The following ZNF804A variants were observed in gnomAD, a reference collection of about 807,000 sequenced individuals.
ZNF804A encodes the protein zinc finger protein 804A.
A neutral mutation model predicts 16.5 loss-of-function variants in ZNF804A; 2 were observed. That is an observed-to-expected ratio of 0.12 (90% CI 0.05 to 0.38). The LOEUF is 0.38. ZNF804A is among the 10% of genes least tolerant of loss of function. ZNF804A has a pLI of 0.99. For synonymous variants in ZNF804A, 534 were observed against 489.6 expected, an observed-to-expected ratio of 1.09 and a Z score of -1.20; for missense variants, 1,473 against 1,390.7, an observed-to-expected ratio of 1.06 and a Z score of -0.94.
At chr2:184,723,206 T>G (rs1314384277) in intron 1 of ZNF804A, among the ~76,000 whole-genome samples, 4 of 151,828 alleles carry the variant, frequency 2.6e-5, no homozygotes, top group Non-Finnish European at 5.9e-5. Context: ...AAATATATGC[T>G]TAAAGCAATG....
chr2:184,844,362 C>G (rs538990262), intron 1 of ZNF804A, among the ~76,000 whole-genome samples: 1 of 152,196 alleles, frequency 6.6e-6, no homozygotes, highest in Non-Finnish European at 1.5e-5. Flanking sequence ...ACATCATTTT[C>G]TTCCTGAAAA....
intron 1 of ZNF804A, among the ~76,000 whole-genome samples, chr2:184,788,161 T>A (rs1255399072): frequency 6.6e-6 from 1 of 152,074 alleles, no homozygotes; most frequent in Non-Finnish European, 1.5e-5. Context: ...GTATGTGGTT[T>A]TATTTCTGGG....
intron 2 of ZNF804A, among the ~76,000 whole-genome samples, chr2:184,885,586 T>A (rs1684875981): frequency 6.6e-6 from 1 of 152,176 alleles, no homozygotes; most frequent in Admixed American, 6.5e-5. Flanking sequence ...TTCGTGCTGC[T>A]GATAAAGACG....
chr2:184,832,598 A>T (rs1460208473), intron 1 of ZNF804A, among the ~76,000 whole-genome samples: 1 of 151,876 alleles, frequency 6.6e-6, no homozygotes, highest in Admixed American at 6.6e-5. Context: ...AGTTTATAGC[A>T]TGTTTTTATC....
chr2:184,928,254 C>G (rs1004464682), intron 2 of ZNF804A, among the ~76,000 whole-genome samples: 1 of 152,102 alleles, frequency 6.6e-6, no homozygotes, highest in Non-Finnish European at 1.5e-5. Flanking sequence ...TCTAGCCCAG[C>G]GTGTGTTTAG....
intron 1 of ZNF804A, among the ~76,000 whole-genome samples, chr2:184,648,308 C>G (rs1474442286): frequency 6.6e-6 from 1 of 152,164 alleles, no homozygotes; most frequent in East Asian, 1.9e-4. Context: ...TACAAGAACA[C>G]AATTAAATAC....
chr2:184,653,653 A>G (rs911911312), intron 1 of ZNF804A, among the ~76,000 whole-genome samples: 5 of 152,114 alleles, frequency 3.3e-5, no homozygotes, highest in African/African-American at 9.7e-5. Context: ...GGTTCTTCCA[A>G]TGGGGTGGGC....
intron 1 of ZNF804A, among the ~76,000 whole-genome samples, chr2:184,769,519 A>G (rs1381782021): frequency 1.3e-5 from 2 of 152,114 alleles, no homozygotes; most frequent in Non-Finnish European, 2.9e-5. Flanking sequence ...TAATAGAACC[A>G]TAGAAATCCT....
chr2:184,874,643 T>C (rs1696024954), intron 2 of ZNF804A, among the ~76,000 whole-genome samples: 1 of 152,194 alleles, frequency 6.6e-6, no homozygotes, highest in Non-Finnish European at 1.5e-5. Flanking sequence ...AAATTTCATT[T>C]TGTTAAACTT....
intron 1 of ZNF804A, among the ~76,000 whole-genome samples, chr2:184,839,143 T>C (rs1695397633): frequency 6.6e-6 from 1 of 152,074 alleles, no homozygotes; most frequent in African/African-American, 2.4e-5. Context: ...AATGTAAACC[T>C]AACCTAAACT....
chr2:184,679,740 TGAGCATG>T (rs1467633141), intron 1 of ZNF804A, among the ~76,000 whole-genome samples: 15 of 152,152 alleles, frequency 9.9e-5, no homozygotes, highest in Non-Finnish European at 2.2e-4. Context: ...TGGGCCCCGA[TGAGCATG>T]GGAAGAAGGT....
At chr2:184,928,412 C>G (rs1574274649) in intron 2 of ZNF804A, among the ~76,000 whole-genome samples, 1 of 152,082 alleles carries the variant, frequency 6.6e-6, no homozygotes, top group African/African-American at 2.4e-5. Flanking sequence ...CCTCCCCTAT[C>G]TCTCTTCAAG....
chr2:184,598,819 G>T lies in ZNF804A; in HGVS notation c.-141G>T, dbSNP rs1183005850. 1 of 466,670 alleles carries T rather than the reference G, an allele frequency of 2.1e-6. No homozygotes were observed. The highest frequency in any genetic ancestry group is 3.7e-6 in the Non-Finnish European group (1 of 272,726). The allele number at this position is 466,670 out of a possible 1,614,324, so 28.9% of individuals were successfully genotyped here. On this transcript the variant is annotated 5_prime_UTR_variant, in exon 1 of 4. Coordinates refer to ENST00000302277, the MANE Select transcript of ZNF804A (RefSeq NM_194250.2). ...CACCACAGAGGGGTGCAGTGAGCCA[G>T]TCTCCAGAGGACGTGCCGGGGGTGG...
At chr2:184,892,435 C>T (rs1343499104) in intron 2 of ZNF804A, among the ~76,000 whole-genome samples, 2 of 150,300 alleles carry the variant, frequency 1.3e-5, no homozygotes, top group Non-Finnish European at 3.0e-5. Flanking sequence ...AGGAAAGATA[C>T]CATTAGCATT....
At chr2:184,891,054 G>T (rs1684977147) in intron 2 of ZNF804A, among the ~76,000 whole-genome samples, 1 of 151,950 alleles carries the variant, frequency 6.6e-6, no homozygotes, top group African/African-American at 2.4e-5. Context: ...CCACAATCTT[G>T]GTTTAGTTCC....
intron 1 of ZNF804A, among the ~76,000 whole-genome samples, chr2:184,856,988 G>A (rs992675357): frequency 1.3e-5 from 2 of 151,896 alleles, no homozygotes; most frequent in Non-Finnish European, 2.9e-5. Context: ...TTTTGTTCTG[G>A]TCTTTACTAT....
chr2:184,665,004 C>G (rs2035321), intron 1 of ZNF804A, among the ~76,000 whole-genome samples: 84,037 of 151,888 alleles, frequency 0.55, 24,105 homozygotes, highest in African/African-American at 0.65. Context: ...AAGAAGCACA[C>G]CCTGATATTC....
At chr2:184,826,743 A>C (rs960012850) in intron 1 of ZNF804A, among the ~76,000 whole-genome samples, 6 of 152,110 alleles carry the variant, frequency 3.9e-5, no homozygotes, top group Admixed American at 2.0e-4. Flanking sequence ...GAAACCTGTA[A>C]AAACACATTA....
intron 2 of ZNF804A, among the ~76,000 whole-genome samples, chr2:184,887,788 G>T (rs1035525000): frequency 6.6e-6 from 1 of 152,120 alleles, no homozygotes; most frequent in Non-Finnish European, 1.5e-5. Context: ...TGGGAATTCT[G>T]GGAGATACAA....
Sources: allele counts gnomAD v4.1 joint callset (sites outside exome capture counted in the v4.1 genomes callset), GRCh38; gene constraint gnomAD v4.1.1; transcripts MANE v1.5; gene names NCBI Gene and HGNC (gene_info 2026-07-23, HGNC 2026-07-21).